The following SLIT3 variants were observed in gnomAD, a reference collection of about 807,000 sequenced individuals.
SLIT3 encodes slit guidance ligand 3, also known as slit homolog 3 protein.
In SLIT3, 68 loss-of-function variants were observed where a neutral mutation model predicts 184.0. The ratio of observed to expected loss-of-function variants is 0.37; its 90% CI spans 0.30 to 0.45. SLIT3 has a LOEUF of 0.45. Ranked by LOEUF, SLIT3 falls within the 20% of genes least tolerant of loss-of-function variation. The pLI is 1.00. For synonymous variants in SLIT3, 831 were observed against 828.6 expected (o/e 1.00, Z -0.05); for missense variants, 1,707 against 2,026.0 (o/e 0.84, Z 3.02).
intron 1 of SLIT3, among the ~76,000 whole-genome samples, chr5:169,253,496 T>G (rs898716702): frequency 4.6e-5 from 7 of 152,168 alleles, no homozygotes; most frequent in African/African-American, 1.7e-4. Context: ...ATCCCTGTCC[T>G]GCCACTTACT....
chr5:168,990,959 C>A (rs1022502661), intron 4 of SLIT3, among the ~76,000 whole-genome samples: 3 of 152,168 alleles, frequency 2.0e-5, no homozygotes, highest in African/African-American at 7.2e-5. Context: ...GCATTTGCTG[C>A]TTTCATTGGG....
intron 32 of SLIT3, among the ~76,000 whole-genome samples, chr5:168,683,369 C>CAAAAAAA (rs59868617): frequency 9.5e-6 from 1 of 104,808 alleles, no homozygotes; most frequent in African/African-American, 3.3e-5. Flanking sequence ...AACTCCATCT[C>CAAAAAAA]AAAAAAAAAA....
At chr5:169,259,010 G>A (rs1561771673) in intron 1 of SLIT3, among the ~76,000 whole-genome samples, 2 of 152,236 alleles carry the variant, frequency 1.3e-5, no homozygotes, top group Admixed American at 1.3e-4. Flanking sequence ...TGTTGTTGCT[G>A]TGACTTTTGT....
intron 12 of SLIT3, among the ~76,000 whole-genome samples, chr5:168,778,404 G>A (rs1240498422): frequency 6.6e-6 from 1 of 152,156 alleles, no homozygotes; most frequent in East Asian, 1.9e-4. Context: ...TATGTGTGAG[G>A]AGTGGCTATT....
In SLIT3 at chr5:169,022,749, ACT is replaced by A. The variant is rs1000054871; in HGVS notation, c.414-139415_414-139414del. On this transcript the variant is annotated intron_variant, in intron 4 of 35. Transcript: ENST00000519560. The stretch of plus-strand genomic sequence containing the variant: ...CAGGCCCCTCATGGTTTTAGATGAA[ACT>A]CTGCGTGAGAACAAGTGGTGGCATT... 30 of 152,108 alleles carry A rather than the reference ACT, an allele frequency of 2.0e-4. 1 individual carries two copies. The highest frequency in any genetic ancestry group is 7.0e-4 in the African/African-American group (29 of 41,488). The allele number at this position is 152,108 out of a possible 1,614,324, so 9.4% of individuals were successfully genotyped here.
chr5:169,141,951 G>A (rs1449262831), intron 4 of SLIT3, among the ~76,000 whole-genome samples: 1 of 151,160 alleles, frequency 6.6e-6, no homozygotes, highest in Non-Finnish European at 1.5e-5. Context: ...TCGGGAGGCT[G>A]AGGCAGGAGA....
At chr5:169,133,253 G>A (rs188030253) in intron 4 of SLIT3, among the ~76,000 whole-genome samples, 2 of 152,298 alleles carry the variant, frequency 1.3e-5, no homozygotes, top group Admixed American at 1.3e-4. Context: ...GCACGGCCCA[G>A]GCACAAGCCT....
At position 169,029,632 on chromosome 5, in the gene SLIT3, A is replaced by G. The variant is rs991972930; in HGVS notation, c.414-146296T>C. On this transcript the variant is annotated intron_variant, in intron 4 of 35. Transcript: ENST00000519560. ...GTTTGTTTGTTTGAAATAAACTGGA[A>G]CTCGATTAGTAACTTACATCTTCCT... Among the ~76,000 whole-genome samples, 7 of 152,178 alleles carry G rather than the reference A, an allele frequency of 4.6e-5. No homozygotes were observed. The East Asian group carries it at 7.7e-4, about 17-fold the overall frequency.
At position 169,215,178 on chromosome 5, in the gene SLIT3, C is replaced by T. The variant is rs149053225; in HGVS notation, c.342-21628G>A. On this transcript the variant is annotated intron_variant, in intron 3 of 35. Transcript: ENST00000519560. ...ACCTGGAAAGCTTTGTGTCATCTGTCCTCTGCCCCCCAGCCATGACGAACT... is the reference window on the plus strand; with the variant it reads ...ACCTGGAAAGCTTTGTGTCATCTGTTCTCTGCCCCCCAGCCATGACGAACT... 3.7e-3 allele frequency among the ~76,000 whole-genome samples: 561 copies of T among 152,274 alleles called. 2 individuals are homozygous for T. Among genetic ancestry groups the T allele is most frequent in the Non-Finnish European group, 6.7e-3 (458 of 68,022 alleles).
intron 6 of SLIT3, among the ~76,000 whole-genome samples, chr5:168,828,542 C>T (rs1056262422): frequency 6.6e-6 from 1 of 151,630 alleles, no homozygotes; most frequent in African/African-American, 2.4e-5. Context: ...CAACGGCAGT[C>T]CCAGCTACTT....
In SLIT3 at chr5:169,270,831, G is replaced by C. The variant is rs1223687594; in HGVS notation, c.198-19372C>G. On this transcript the variant is annotated intron_variant, in intron 1 of 35. Coordinates refer to ENST00000519560, the MANE Select transcript of SLIT3 (RefSeq NM_003062.4). ...ACAGAAGTAGCAACATGACTCTGGG[G>C]AAGTTATTTTAACTCTCTGTGCCTC... 4.6e-5 allele frequency among the ~76,000 whole-genome samples: 7 copies of C among 152,184 alleles called. 1 individual carries two copies. The South Asian group carries it at 1.0e-3, about 23-fold the overall frequency.
intron 1 of SLIT3, among the ~76,000 whole-genome samples, chr5:169,272,345 C>A (rs1766656775): frequency 1.3e-5 from 2 of 152,268 alleles, no homozygotes. Context: ...CATGCAGTCC[C>A]TAGTTCATCA....
chr5:168,807,844 C>G (rs1263838214), intron 8 of SLIT3, among the ~76,000 whole-genome samples: 1 of 152,170 alleles, frequency 6.6e-6, no homozygotes, highest in Admixed American at 6.5e-5. Flanking sequence ...ACCAGCAGAG[C>G]CTGGTGTCCC....
At chr5:168,990,635 G>A (rs934004330) in intron 4 of SLIT3, among the ~76,000 whole-genome samples, 1 of 152,298 alleles carries the variant, frequency 6.6e-6, no homozygotes, top group East Asian at 1.9e-4. Flanking sequence ...ATTATAGGTT[G>A]AATAGAGCCT....
At chr5:169,019,415 G>T (rs1213851021) in intron 4 of SLIT3, among the ~76,000 whole-genome samples, 1 of 152,230 alleles carries the variant, frequency 6.6e-6, no homozygotes, top group Non-Finnish European at 1.5e-5. Context: ...TTCATTAAAA[G>T]AATAAATTAG....
intron 7 of SLIT3, among the ~76,000 whole-genome samples, chr5:168,822,599 T>G (rs1427823484): frequency 6.6e-6 from 1 of 152,072 alleles, no homozygotes; most frequent in East Asian, 1.9e-4. Flanking sequence ...CCCCAGGTAA[T>G]AAGAGCACTA....
chr5:169,294,581 A>T (rs978123642), intron 1 of SLIT3, among the ~76,000 whole-genome samples: 3 of 152,222 alleles, frequency 2.0e-5, no homozygotes, highest in African/African-American at 7.2e-5. Context: ...CAAACCTTCC[A>T]GCTGGATAGG....
intron 1 of SLIT3, among the ~76,000 whole-genome samples, chr5:169,259,265 G>A (rs1376480608): frequency 6.6e-6 from 1 of 152,094 alleles, no homozygotes; most frequent in Admixed American, 6.5e-5. Context: ...CACCAGGTTG[G>A]CCAGGCTGGT....
chr5:168,936,830 T>TA (rs1316725002), intron 4 of SLIT3, among the ~76,000 whole-genome samples: 22 of 152,258 alleles, frequency 1.4e-4, no homozygotes, highest in African/African-American at 5.1e-4. Context: ...ATTGAGCACC[T>TA]ACTAGGTGCT....
Sources: allele counts gnomAD v4.1 joint callset (sites outside exome capture counted in the v4.1 genomes callset), GRCh38; gene constraint gnomAD v4.1.1; transcripts MANE v1.5; gene names NCBI Gene and HGNC (gene_info 2026-07-23, HGNC 2026-07-21).